Variants in APP observed in about 807,000 individuals in gnomAD.
The protein encoded by APP is amyloid beta precursor protein, also known as amyloid-beta precursor protein.
Under a neutral mutation model 101.4 loss-of-function variants are expected in APP, and 31 were observed. That is an observed-to-expected ratio of 0.31 (90% CI 0.23 to 0.41). The LOEUF (loss-of-function observed/expected upper bound fraction) is 0.41, where lower values mean the gene tolerates loss of function less well. Ranked by LOEUF, APP falls within the 10% of genes least tolerant of loss-of-function variation. APP has a pLI of 1.00. For missense variants in APP, 839 were observed against 1,003.7 expected, an observed-to-expected ratio of 0.84 and a Z score of 2.22; for synonymous variants, 366 against 364.4, an observed-to-expected ratio of 1.00 and a Z score of -0.05.
chr21:26,098,623 A>C (rs948320735), intron 2 of APP, among the ~76,000 whole-genome samples: 31 of 152,222 alleles, frequency 2.0e-4, no homozygotes, highest in Admixed American at 5.9e-4. Flanking sequence ...CAAAAACACA[A>C]AATCAAACAT....
intron 2 of APP, among the ~76,000 whole-genome samples, chr21:26,095,332 C>A (rs1333275677): frequency 1.3e-5 from 2 of 152,208 alleles, no homozygotes; most frequent in Admixed American, 6.5e-5. Context: ...AAATCTCAAA[C>A]CCACACAGTC....
chr21:26,154,580 G>T (rs1004877526), intron 1 of APP, among the ~76,000 whole-genome samples: 2 of 152,160 alleles, frequency 1.3e-5, no homozygotes, highest in African/African-American at 4.8e-5. Context: ...TTGTCTTAAA[G>T]CTCCTGGCTT....
chr21:25,956,491 T>C (rs375395093), intron 11 of APP, among the ~76,000 whole-genome samples: 2 of 152,346 alleles, frequency 1.3e-5, no homozygotes, highest in East Asian at 1.9e-4. Flanking sequence ...TTCCCTGGTC[T>C]TCAACAATTT....
intron 5 of APP, among the ~76,000 whole-genome samples, chr21:26,024,678 G>A (rs2146792470): frequency 6.6e-6 from 1 of 152,298 alleles, no homozygotes; most frequent in African/African-American, 2.4e-5. Flanking sequence ...AGGATTTAAA[G>A]CATGTGTTAC....
intron 5 of APP, among the ~76,000 whole-genome samples, chr21:26,040,896 T>A (rs939803133): frequency 2.0e-5 from 3 of 152,186 alleles, no homozygotes; most frequent in Non-Finnish European, 4.4e-5. Flanking sequence ...CTAAGTGGCA[T>A]TAGTCTACCA....
intron 2 of APP, among the ~76,000 whole-genome samples, chr21:26,110,011 C>T (rs1210102528): frequency 6.6e-6 from 1 of 152,190 alleles, no homozygotes; most frequent in Non-Finnish European, 1.5e-5. Context: ...CTTATCTACA[C>T]AATTGTACTA....
intron 6 of APP, among the ~76,000 whole-genome samples, chr21:26,011,364 C>T (rs956592069): frequency 3.9e-5 from 6 of 152,144 alleles, no homozygotes; most frequent in Non-Finnish European, 7.3e-5. Flanking sequence ...GTGTGAGCCA[C>T]CACGCCTGGG....
chr21:26,169,310 C>T lies in APP; in HGVS notation c.57+1254G>A, dbSNP rs985283756. ...GCCATCTTCTCCGTCTTAATCTTCA[C>T]TCAATTCGATCCTTTTATCTGCACC... is the stretch of plus-strand genomic sequence containing the variant. On this transcript the variant is annotated intron_variant, in intron 1 of 17. Coordinates refer to ENST00000346798, the MANE Select transcript of APP (RefSeq NM_000484.4). 4.6e-5 allele frequency: 7 copies of T among 152,496 alleles called. 1 individual carries two copies. The highest frequency in any genetic ancestry group is 4.6e-4 in the Admixed American group (7 of 15,304). 9.4% of individuals were successfully genotyped at this position (152,496 alleles called of 1,614,324 possible). A position where few individuals can be genotyped will look rare whatever the true frequency, so the allele number is the denominator to read the frequency against.
chr21:26,050,374 A>G (rs1332034562), intron 5 of APP, among the ~76,000 whole-genome samples: 1 of 152,210 alleles, frequency 6.6e-6, no homozygotes, highest in Non-Finnish European at 1.5e-5. Flanking sequence ...TATGATTTGA[A>G]TATAGATGTT....
At chr21:25,893,313 T>C (rs1334197086) in intron 16 of APP, among the ~76,000 whole-genome samples, 1 of 152,188 alleles carries the variant, frequency 6.6e-6, no homozygotes, top group East Asian at 1.9e-4. Context: ...AACCCTACAG[T>C]GGCCTCTTAA....
intron 13 of APP, among the ~76,000 whole-genome samples, chr21:25,951,126 C>T (rs2041056240): frequency 5.5e-5 from 2 of 36,568 alleles, no homozygotes; most frequent in Non-Finnish European, 5.0e-5. Context: ...CAGGGAAGCA[C>T]AATGGAAGAT....
chr21:26,079,621 C>T (rs2061557159), intron 3 of APP, among the ~76,000 whole-genome samples: 1 of 152,170 alleles, frequency 6.6e-6, no homozygotes, highest in Non-Finnish European at 1.5e-5. Context: ...CATTTTTAAA[C>T]TATGACACAG....
At chr21:25,977,886 T>C (rs1319270800) in intron 9 of APP, among the ~76,000 whole-genome samples, 1 of 152,226 alleles carries the variant, frequency 6.6e-6, no homozygotes, top group East Asian at 1.9e-4. Context: ...ATAGATGAGA[T>C]AAGCCTTGCA....
intron 3 of APP, among the ~76,000 whole-genome samples, chr21:26,076,820 T>G (rs1053069407): frequency 2.0e-5 from 3 of 152,074 alleles, no homozygotes; most frequent in Non-Finnish European, 4.4e-5. Flanking sequence ...TCCCGGCACT[T>G]TGGGAGGCCG....
intron 1 of APP, among the ~76,000 whole-genome samples, chr21:26,129,510 T>C (rs757197589): frequency 6.6e-6 from 1 of 151,990 alleles, no homozygotes; most frequent in African/African-American, 2.4e-5. Flanking sequence ...TTTTAAACTA[T>C]ACAGGTGAAC....
chr21:26,080,391 C>T (rs964992640), intron 3 of APP, among the ~76,000 whole-genome samples: 1 of 152,076 alleles, frequency 6.6e-6, no homozygotes, highest in African/African-American at 2.4e-5. Flanking sequence ...AGATTCTGCT[C>T]ATTTTTTAAG....
chr21:26,169,502 C>T (rs1018506940), intron 1 of APP: 1 of 153,340 alleles, frequency 6.5e-6, no homozygotes, highest in African/African-American at 2.4e-5. Flanking sequence ...ACTGCCCTTT[C>T]CAGACGCACA....
At chr21:26,150,545 T>C (rs748653812) in intron 1 of APP, among the ~76,000 whole-genome samples, 1 of 151,518 alleles carries the variant, frequency 6.6e-6, no homozygotes, top group Non-Finnish European at 1.5e-5. Flanking sequence ...ACTGGCTTAA[T>C]TTTTCTTCAT....
At chr21:26,142,160 G>A (rs577049501) in intron 1 of APP, among the ~76,000 whole-genome samples, 4 of 152,252 alleles carry the variant, frequency 2.6e-5, no homozygotes, top group Admixed American at 1.3e-4. Flanking sequence ...GGCAACATGC[G>A]GGGCAGTATA....
Sources: gnomAD v4.1 joint callset for allele counts (sites outside exome capture counted in the v4.1 genomes callset) on GRCh38, gnomAD v4.1.1 for gene constraint, MANE v1.5 for transcripts, NCBI Gene and HGNC (gene_info 2026-07-23, HGNC 2026-07-21) for gene names.